The following BCAS3 variants were observed in gnomAD, a reference collection of about 807,000 sequenced individuals.
BCAS3 encodes BCAS3 microtubule associated cell migration factor, also known as BCAS4/BCAS3 fusion.
In BCAS3, 53 loss-of-function variants were observed where a neutral mutation model predicts 116.1. That is an observed-to-expected ratio of 0.46 (90% CI 0.37 to 0.57). The LOEUF (loss-of-function observed/expected upper bound fraction) is 0.57, where lower values mean the gene tolerates loss of function less well. Among genes scored for constraint, BCAS3 ranks in the 20% least tolerant of loss-of-function variants. BCAS3 has a pLI of 0.00. For synonymous variants in BCAS3, 391 were observed against 408.2 expected, an observed-to-expected ratio of 0.96 and a Z score of 0.51; for missense variants, 917 against 1,165.4, an observed-to-expected ratio of 0.79 and a Z score of 3.10.
Position 61,348,919 on chromosome 17 carries a change from AC to A in BCAS3, c.2426-19407del, listed in dbSNP as rs2057669548. Among the ~76,000 whole-genome samples the A allele has an allele frequency of 6.6e-6, 1 of 151,920 alleles. No homozygotes were observed. The highest frequency in any genetic ancestry group is 1.5e-5 in the Non-Finnish European group (1 of 67,976). On this transcript the variant is annotated intron_variant, in intron 22 of 23. Transcript: ENST00000407086. This position sits in a 1 kb window ranked among gnomAD's most constrained non-coding sequence, Gnocchi z 4.5. ...AGGCGCCCACCGCCACACACGGCTA[AC>A]TTTTTGTATTTTTGGTAGAGATGGG...
At position 61,136,251 on chromosome 17, in the gene BCAS3, A is replaced by G. The variant is rs572498351; in HGVS notation, c.2425+51687A>G. Among the ~76,000 whole-genome samples, 1 of 151,176 alleles carries G rather than the reference A, an allele frequency of 6.6e-6. No individual in the cohort carries two copies. The highest frequency in any genetic ancestry group is 1.5e-5 in the Non-Finnish European group (1 of 68,024). On this transcript the variant is annotated intron_variant, in intron 22 of 23. Transcript: ENST00000407086. This position sits in a 1 kb window ranked among gnomAD's most constrained non-coding sequence, Gnocchi z 4.4. ...TATCTTCCAATATTTTTACTTAAGC[A>G]TCCCCTCTTCTTCTCTGCACCTGGA...
At chr17:61,074,823 C>A in intron 19 of BCAS3, 97 bp from the exon 20 acceptor site, 1 of 650,454 alleles carries the variant, frequency 1.5e-6, no homozygotes, top group Non-Finnish European at 2.5e-6. Context: ...TATATTTTAT[C>A]TTATAAATTA....
rs1173866096 is a variant in BCAS3, at chr17:61,309,385, T to C, written c.2426-58942T>C. 6.6e-6 allele frequency among the ~76,000 whole-genome samples: 1 copy of C among 152,070 alleles called. No individual in the cohort carries two copies. Among genetic ancestry groups the C allele is most frequent in the Non-Finnish European group, 1.5e-5 (1 of 68,022 alleles). On this transcript the variant is annotated intron_variant, in intron 22 of 23. Coordinates refer to ENST00000407086, the MANE Select transcript of BCAS3 (RefSeq NM_017679.5). This position sits in a 1 kb window ranked among gnomAD's most constrained non-coding sequence, Gnocchi z 4.6. Reference sequence around the variant, plus strand: ...TGGGCAGATGAGCATGCCTGAGTACTGAACACTACCGTGTCACTCCCCATG... The same window carrying C: ...TGGGCAGATGAGCATGCCTGAGTACCGAACACTACCGTGTCACTCCCCATG...
At chr17:61,264,208 A>G (rs2049473044) in intron 22 of BCAS3, among the ~76,000 whole-genome samples, 2 of 152,076 alleles carry the variant, frequency 1.3e-5, no homozygotes, top group Admixed American at 1.3e-4. Flanking sequence ...ATGTGTCATT[A>G]TTATTGTTAT....
intron 9 of BCAS3, among the ~76,000 whole-genome samples, chr17:60,886,717 G>A (rs1242461663): frequency 4.6e-5 from 7 of 152,146 alleles, no homozygotes; most frequent in African/African-American, 7.2e-5. Flanking sequence ...TGAGGTGTCA[G>A]TGTGCTCCTG....
Position 60,874,737 on chromosome 17 carries a change from A to G in BCAS3, c.660A>G (p.Thr220=), listed in dbSNP as rs1267511195. Residue 220 remains threonine (T), a splice_region_variant and synonymous_variant, in exon 9 of 24, where the codon ACA becomes ACG. Coordinates refer to ENST00000407086, the MANE Select transcript of BCAS3 (RefSeq NM_017679.5). ...CTTTCACGAAGAAATTCTTTGTTAC[A>G]AGTATGTACCAATTTTTTTTCCCTT... The part of the protein sequence containing the change: ...SCTFTKKFFV[T]SCYPCPGPNM... 2 of 1,605,870 alleles carry G rather than the reference A, an allele frequency of 1.2e-6. No homozygotes were observed. Among genetic ancestry groups the G allele is most frequent in the East Asian group, 4.5e-5 (2 of 44,508 alleles).
rs1274364530 is a variant in BCAS3 at position 61,124,646 on chromosome 17, T to C, written c.2425+40082T>C. On this transcript the variant is annotated intron_variant, in intron 22 of 23. Transcript: ENST00000407086. The surrounding 1 kb of genome is among the most constrained non-coding windows in gnomAD (Gnocchi z 4.6). ...TTATGTAGTTAATCATATTAAACTG[T>C]TTTTCAGTTTTGAAATATGAGAGAT... 6.6e-6 allele frequency among the ~76,000 whole-genome samples: 1 copy of C among 152,234 alleles called. No individual in the cohort carries two copies. The highest frequency in any genetic ancestry group is 1.5e-5 in the Non-Finnish European group (1 of 68,048).
chr17:61,157,605 C>T (rs2077929607), intron 22 of BCAS3: 1 of 137,660 alleles, frequency 7.3e-6, no homozygotes, highest in Non-Finnish European at 1.6e-5. Flanking sequence ...TCTCTTCCCC[C>T]CCACCCGCCC....
chr17:60,977,483 A>G (rs1314029955), intron 14 of BCAS3, among the ~76,000 whole-genome samples: 1 of 150,654 alleles, frequency 6.6e-6, no homozygotes, highest in African/African-American at 2.5e-5. Flanking sequence ...TGGCGGAAGC[A>G]CTTTCTTTTT....
At chr17:60,899,621 C>T (rs1348003089) in intron 10 of BCAS3, among the ~76,000 whole-genome samples, 2 of 152,070 alleles carry the variant, frequency 1.3e-5, no homozygotes, top group African/African-American at 4.8e-5. Flanking sequence ...CCTCAGCCTC[C>T]TGAGTAGCTA....
intron 15 of BCAS3, among the ~76,000 whole-genome samples, chr17:61,005,221 T>C (rs1260475805): frequency 6.6e-6 from 1 of 152,110 alleles, no homozygotes; most frequent in Non-Finnish European, 1.5e-5. Context: ...TTTGGAAAAG[T>C]AAATTTAGAA....
chr17:61,088,955 G>T lies in BCAS3; in HGVS notation c.2425+4391G>T, dbSNP rs917527362. 6.6e-5 allele frequency among the ~76,000 whole-genome samples: 10 copies of T among 152,096 alleles called. No individual in the cohort carries two copies. The highest frequency in any genetic ancestry group is 2.4e-4 in the African/African-American group (10 of 41,426). On this transcript the variant is annotated intron_variant, in intron 22 of 23. Transcript: ENST00000407086. This position sits in a 1 kb window ranked among gnomAD's most constrained non-coding sequence, Gnocchi z 4.2. ...GTACATGCCTGAGGAAGATGGTAGT[G>T]TGAGAAGGACAATGTGACAGATAAG...
At chr17:60,858,691 T>C (rs2053890950) in intron 7 of BCAS3, among the ~76,000 whole-genome samples, 2 of 152,182 alleles carry the variant, frequency 1.3e-5, no homozygotes. Flanking sequence ...GACTGTACCA[T>C]TTTGCGTCTC....
chr17:61,134,281 A>G lies in BCAS3; in HGVS notation c.2425+49717A>G, dbSNP rs1227862281. Among the ~76,000 whole-genome samples, 1 of 151,974 alleles carries G rather than the reference A, an allele frequency of 6.6e-6. No individual in the cohort carries two copies. The highest frequency in any genetic ancestry group is 1.5e-5 in the Non-Finnish European group (1 of 67,960). ...AGTAGTGAACACTTGTTGATTTTTT[A>G]AAAATCAACTGTTAGGCACTGTGCT... On this transcript the variant is annotated intron_variant, in intron 22 of 23. Coordinates refer to ENST00000407086, the MANE Select transcript of BCAS3 (RefSeq NM_017679.5). This position sits in a 1 kb window ranked among gnomAD's most constrained non-coding sequence, Gnocchi z 4.6.
intron 13 of BCAS3, among the ~76,000 whole-genome samples, chr17:60,930,537 A>G (rs934686363): frequency 1.7e-4 from 25 of 150,594 alleles, no homozygotes; most frequent in Middle Eastern, 6.9e-3. Flanking sequence ...GCTCACCACA[A>G]TCTCCGCCTC....
At position 61,019,411 on chromosome 17, in the gene BCAS3, A is replaced by G. The variant is rs978540197; in HGVS notation, c.1637+3510A>G. ...TTGTTGATTATACCTGGAAACTACT[A>G]TTGACTTTTCTGATTGTTCTTTTAC... is the stretch of plus-strand genomic sequence containing the variant. On this transcript the variant is annotated intron_variant, in intron 16 of 23. Coordinates refer to ENST00000407086, the MANE Select transcript of BCAS3 (RefSeq NM_017679.5). This position sits in a 1 kb window ranked among gnomAD's most constrained non-coding sequence, Gnocchi z 5.6. 6.6e-6 allele frequency among the ~76,000 whole-genome samples: 1 copy of G among 152,210 alleles called. No homozygotes were observed. The highest frequency in any genetic ancestry group is 2.4e-5 in the African/African-American group (1 of 41,460).
chr17:60,699,279 A>G (rs1326774988), intron 4 of BCAS3, among the ~76,000 whole-genome samples: 1 of 152,106 alleles, frequency 6.6e-6, no homozygotes, highest in African/African-American at 2.4e-5. Flanking sequence ...TAGTGACACA[A>G]TCTTGACTCA....
intron 22 of BCAS3, among the ~76,000 whole-genome samples, chr17:61,163,538 A>T (rs1377779835): frequency 6.6e-6 from 1 of 152,204 alleles, no homozygotes; most frequent in Admixed American, 6.5e-5. Flanking sequence ...AATGACCAAG[A>T]TACTTTAGAT....
intron 7 of BCAS3, among the ~76,000 whole-genome samples, chr17:60,830,238 C>T (rs1399619990): frequency 6.6e-6 from 1 of 152,196 alleles, no homozygotes; most frequent in Non-Finnish European, 1.5e-5. Flanking sequence ...ATCTGCCCAC[C>T]TCAGCCTCCC....
Sources: gnomAD v4.1 joint callset for allele counts (sites outside exome capture counted in the v4.1 genomes callset) on GRCh38, gnomAD v4.1.1 for gene constraint, Gnocchi (gnomAD v3.1) non-coding constraint, MANE v1.5 for transcripts, NCBI Gene and HGNC (gene_info 2026-07-23, HGNC 2026-07-21) for gene names.